Variants in THTPA observed in about 807,000 individuals in gnomAD.
THTPA encodes thiamine triphosphatase, also known as thiamine-triphosphatase.
THTPA carries 16 observed loss-of-function variants against 16.5 expected under a neutral mutation model. The observed-to-expected ratio is 0.97, with a 90% CI of 0.66 to 1.47. The LOEUF is 1.47. Among genes scored for constraint, THTPA ranks in the 40% most tolerant of loss-of-function variants. The pLI is 0.00. For synonymous variants in THTPA, 110 were observed against 115.5 expected (o/e 0.95, Z 0.30); for missense variants, 281 against 280.9 (o/e 1.00, Z 0.00).
chr14:23,528,339 G>T, the THTPA span, among the ~76,000 whole-genome samples: 3 of 152,138 alleles, frequency 2.0e-5, no homozygotes, highest in Non-Finnish European at 2.9e-5. Context: ...AGCTTAGGCC[G>T]CTACCTTGCA....
At chr14:23,558,548 G>A (rs142721890) in intron 1 of THTPA, 147 bp from the exon 2 acceptor site, 2 of 1,001,718 alleles carry the variant, frequency 2.0e-6, no homozygotes, top group Non-Finnish European at 3.0e-6. Context: ...GAGTGGACTA[G>A]TGTGTTACAG....
chr14:23,534,492 G>A, the THTPA span: 1,186 of 1,536,244 alleles, frequency 7.7e-4, no homozygotes, highest in Middle Eastern at 1.2e-3. This position sits in a 1 kb window ranked among gnomAD's most constrained non-coding sequence, Gnocchi z 4.5. Context: ...CTCCCTCCTG[G>A]AGTACAGCTG....
the THTPA span, chr14:23,531,422 T>G: frequency 7.4e-7 from 1 of 1,346,142 alleles, no homozygotes. Flanking sequence ...GCCCCCCTGC[T>G]CCCCACATCC....
chr14:23,524,490 G>A, the THTPA span: 2 of 1,529,704 alleles, frequency 1.3e-6, no homozygotes, highest in Non-Finnish European at 8.7e-7. This position sits in a 1 kb window ranked among gnomAD's most constrained non-coding sequence, Gnocchi z 5.6. Context: ...GCTGCCACCA[G>A]GGGGTTTCTC....
the THTPA span, among the ~76,000 whole-genome samples, chr14:23,519,622 G>C: frequency 6.6e-6 from 1 of 152,132 alleles, no homozygotes; most frequent in Non-Finnish European, 1.5e-5. Flanking sequence ...CTGTTAGTTA[G>C]AAAACTAACT....
At chr14:23,530,780 C>CA in the THTPA span, 1 of 286,368 alleles carries the variant, frequency 3.5e-6, no homozygotes, top group African/African-American at 2.3e-5. Context: ...AGCATATTGG[C>CA]AATTCAATTA....
the THTPA span, chr14:23,530,203 G>T: frequency 6.6e-7 from 1 of 1,524,440 alleles, no homozygotes; most frequent in Non-Finnish European, 8.8e-7. Flanking sequence ...CCCTGTGTAG[G>T]ATGGGGGGAG....
At chr14:23,529,257 G>C in the THTPA span, 4 of 162,296 alleles carry the variant, frequency 2.5e-5, no homozygotes, top group Admixed American at 6.1e-5. Flanking sequence ...TTTGGTTGGT[G>C]CCCCTACCCT....
At chr14:23,515,140 G>A in the THTPA span, among the ~76,000 whole-genome samples, 5 of 152,288 alleles carry the variant, frequency 3.3e-5, no homozygotes, top group African/African-American at 9.6e-5. Flanking sequence ...AGGGACACCA[G>A]CTGTGTTGTT....
the THTPA span, chr14:23,528,943 C>T: frequency 3.4e-5 from 20 of 594,200 alleles, no homozygotes; most frequent in Admixed American, 7.0e-4. Context: ...CTCATCTTAA[C>T]GCACCTAGCC....
chr14:23,524,150 G>C, the THTPA span: 1 of 1,535,972 alleles, frequency 6.5e-7, no homozygotes, highest in Non-Finnish European at 8.7e-7. The surrounding 1 kb of genome is among the most constrained non-coding windows in gnomAD (Gnocchi z 5.6). Context: ...TGTGGCAGGC[G>C]GTTTCACTGC....
At chr14:23,524,385 C>T in the THTPA span, 109 of 1,536,064 alleles carry the variant, frequency 7.1e-5, no homozygotes, top group Non-Finnish European at 9.2e-5. The surrounding 1 kb of genome is among the most constrained non-coding windows in gnomAD (Gnocchi z 5.6). Flanking sequence ...CTGGGGGGCT[C>T]GCCCTCCCCT....
the THTPA span, among the ~76,000 whole-genome samples, chr14:23,546,146 ACT>A: frequency 6.6e-6 from 1 of 151,970 alleles, no homozygotes; most frequent in East Asian, 1.9e-4. The surrounding 1 kb of genome is among the most constrained non-coding windows in gnomAD (Gnocchi z 4.7). Context: ...ACAGGACCAG[ACT>A]CTCCATGCAT....
At chr14:23,523,460 C>A in the THTPA span, 4 of 1,536,016 alleles carry the variant, frequency 2.6e-6, no homozygotes, top group Non-Finnish European at 3.5e-6. The surrounding 1 kb of genome is among the most constrained non-coding windows in gnomAD (Gnocchi z 4.1). Flanking sequence ...ATGGCCTCGG[C>A]AGGAGACATA....
chr14:23,530,115 C>T, the THTPA span: 2 of 1,535,998 alleles, frequency 1.3e-6, no homozygotes, highest in Non-Finnish European at 8.7e-7. Flanking sequence ...GGAGGGAAAA[C>T]TCACCCAATT....
At chr14:23,526,489 C>G in the THTPA span, 1 of 1,536,040 alleles carries the variant, frequency 6.5e-7, no homozygotes, top group Non-Finnish European at 8.7e-7. Flanking sequence ...CAGTGGTCCC[C>G]TCTTCCTCCT....
At chr14:23,538,123 A>C in the THTPA span, 2 of 152,248 alleles carry the variant, frequency 1.3e-5, no homozygotes, top group African/African-American at 4.8e-5. Flanking sequence ...CTGGAAAAAG[A>C]CATAGCTGAT....
At chr14:23,538,686 T>TA in the THTPA span, among the ~76,000 whole-genome samples, 2 of 151,988 alleles carry the variant, frequency 1.3e-5, no homozygotes, top group African/African-American at 4.8e-5. Flanking sequence ...AGGCGACCCC[T>TA]GAAAGGCCCT....
chr14:23,544,798 A>G, the THTPA span, among the ~76,000 whole-genome samples: 18 of 152,262 alleles, frequency 1.2e-4, no homozygotes, highest in East Asian at 3.5e-3. Context: ...TGCCAGCTGC[A>G]GCTTTTGCAG....
Sources: gnomAD v4.1 joint callset for allele counts (sites outside exome capture counted in the v4.1 genomes callset) on GRCh38, gnomAD v4.1.1 for gene constraint, Gnocchi (gnomAD v3.1) non-coding constraint, MANE v1.5 for transcripts, NCBI Gene and HGNC (gene_info 2026-07-23, HGNC 2026-07-21) for gene names.